LAMC1: variants seen among roughly 807,000 people sequenced by gnomAD.
LAMC1 encodes the protein laminin subunit gamma-1.
Under a neutral mutation model 173.6 loss-of-function variants are expected in LAMC1, and 38 were observed. The observed-to-expected ratio is 0.22, with a 90% CI of 0.17 to 0.29. The LOEUF (loss-of-function observed/expected upper bound fraction) is 0.29, where lower values mean the gene tolerates loss of function less well. LAMC1 is among the 10% of genes least tolerant of loss of function. The pLI, the probability that LAMC1 is intolerant of heterozygous loss-of-function variation, is 1.00. For missense variants in LAMC1, 1,824 were observed against 2,051.8 expected (o/e 0.89, Z 2.14); for synonymous variants, 746 against 749.1 (o/e 1.00, Z 0.07).
chr1:183,079,638 T>G (rs1471322984), intron 1 of LAMC1, among the ~76,000 whole-genome samples: 1 of 152,184 alleles, frequency 6.6e-6, no homozygotes, highest in Non-Finnish European at 1.5e-5. Context: ...TGTGCAGATA[T>G]CTATTCCCAT....
Position 183,121,912 on chromosome 1 carries a change from A to G in LAMC1, c.2180A>G (p.Asn727Ser), listed in dbSNP as rs777914389. ...AGTCCATGTGTGCTTTGCGCCTGCAATGGACACAGCGAGACCTGTGATCCT... is the reference window on the plus strand; with the variant it reads ...AGTCCATGTGTGCTTTGCGCCTGCAGTGGACACAGCGAGACCTGTGATCCT... ...PYSPCVLCAC[N>S]GHSETCDPET... The change falls in exon 12 of 28, where the codon AAT (asparagine) becomes AGT (serine). Residue 727 changes from asparagine to serine, a missense_variant. Transcript: ENST00000258341. 3.9e-5 allele frequency: 63 copies of G among 1,614,106 alleles called. No individual in the cohort carries two copies. In the Middle Eastern group the frequency reaches 4.9e-4, roughly 13 times the overall value.
rs746315868 is a variant in LAMC1 at position 183,121,811 on chromosome 1, T to C, written c.2079T>C (p.Pro693=). 1 of 1,614,188 alleles carries C rather than the reference T, an allele frequency of 6.2e-7. No homozygotes were observed. Among genetic ancestry groups the C allele is most frequent in the Non-Finnish European group, 8.5e-7 (1 of 1,180,022 alleles). The change falls in exon 12 of 28, where the codon CCT becomes CCC. Residue 693 remains proline (P), a synonymous_variant. Coordinates refer to ENST00000258341, the MANE Select transcript of LAMC1 (RefSeq NM_002293.4). ...CTTGGGTGGAGTCCTGCACCTGTCC[T>C]GTGGGATATGGAGGGCAGTTTTGTG... The part of the protein sequence containing the change: ...PATWVESCTC[P]VGYGGQFCEM...
rs1654339393 is a variant in LAMC1, at chr1:183,048,952, G to A, written c.418+24818G>A. Among the ~76,000 whole-genome samples the A allele has an allele frequency of 5.9e-5, 9 of 152,176 alleles. 1 individual carries two copies. In the South Asian group the frequency reaches 1.9e-3, roughly 32 times the overall value. Reference sequence around the variant, plus strand: ...AGTTGTTACCTAGTATTAACATTGTGGTATATATATTGTCTCACCAACTGG... The same window carrying A: ...AGTTGTTACCTAGTATTAACATTGTAGTATATATATTGTCTCACCAACTGG... On this transcript the variant is annotated intron_variant, in intron 1 of 27. Coordinates refer to ENST00000258341, the MANE Select transcript of LAMC1 (RefSeq NM_002293.4).
chr1:183,057,597 C>T (rs545954301), intron 1 of LAMC1, among the ~76,000 whole-genome samples: 11 of 152,246 alleles, frequency 7.2e-5, no homozygotes, highest in African/African-American at 2.6e-4. Flanking sequence ...CCCGTCTCCA[C>T]TAAAAATACA....
intron 1 of LAMC1, among the ~76,000 whole-genome samples, chr1:183,075,782 GT>G (rs1655109369): frequency 6.6e-6 from 1 of 152,164 alleles, no homozygotes; most frequent in Non-Finnish European, 1.5e-5. Flanking sequence ...TGTTGTGTTA[GT>G]TTGTATAGTA....
At chr1:183,113,527 T>C (rs535069312) in intron 4 of LAMC1, among the ~76,000 whole-genome samples, 133 of 152,324 alleles carry the variant, frequency 8.7e-4, no homozygotes, top group Non-Finnish European at 6.2e-4. Flanking sequence ...ATTATAAATA[T>C]AGTAAGGAAT....
chr1:183,122,722 G>A (rs964301128), intron 13 of LAMC1, among the ~76,000 whole-genome samples: 1 of 152,142 alleles, frequency 6.6e-6, no homozygotes, highest in African/African-American at 2.4e-5. Context: ...CATTCAGACA[G>A]CAGAAAGCAC....
chr1:183,035,836 A>G (rs145248500), intron 1 of LAMC1, among the ~76,000 whole-genome samples: 77 of 152,326 alleles, frequency 5.1e-4, no homozygotes, highest in African/African-American at 1.8e-3. Flanking sequence ...GACTAAATGC[A>G]GCTGGAGGTA....
At position 183,057,876 on chromosome 1, in the gene LAMC1, T is replaced by G. The variant is rs190392268; in HGVS notation, c.418+33742T>G. On this transcript the variant is annotated intron_variant, in intron 1 of 27. Transcript: ENST00000258341. Reference sequence around the variant, plus strand: ...ATTGAGATGTTCTTTTTTTCCTTCTTACATAAATATTATGTGCTCTAACTA... The same window carrying G: ...ATTGAGATGTTCTTTTTTTCCTTCTGACATAAATATTATGTGCTCTAACTA... 2.0e-5 allele frequency among the ~76,000 whole-genome samples: 3 copies of G among 152,352 alleles called. No homozygotes were observed. The East Asian group carries it at 5.8e-4, about 29-fold the overall frequency.
intron 1 of LAMC1, among the ~76,000 whole-genome samples, chr1:183,037,284 C>T (rs1338769724): frequency 6.6e-6 from 1 of 152,154 alleles, no homozygotes; most frequent in Non-Finnish European, 1.5e-5. Flanking sequence ...CAGGGAATGC[C>T]ACCATCTTAT....
At chr1:183,071,825 T>C (rs1285927558) in intron 1 of LAMC1, among the ~76,000 whole-genome samples, 1 of 152,166 alleles carries the variant, frequency 6.6e-6, no homozygotes. Flanking sequence ...AGAAGGTGCA[T>C]GTGATGGGTA....
chr1:183,111,707 TAA>T (rs1656158689), intron 4 of LAMC1, among the ~76,000 whole-genome samples: 1 of 152,180 alleles, frequency 6.6e-6, no homozygotes, highest in Non-Finnish European at 1.5e-5. Context: ...CTGTTAAGAA[TAA>T]AGAGAAAAAG....
intron 1 of LAMC1, among the ~76,000 whole-genome samples, chr1:183,060,582 A>C (rs1371762906): frequency 6.6e-6 from 1 of 152,112 alleles, no homozygotes; most frequent in East Asian, 1.9e-4. Flanking sequence ...ACACAATATT[A>C]CAGTGCTTAC....
intron 1 of LAMC1, among the ~76,000 whole-genome samples, chr1:183,094,519 C>G (rs1161768537): frequency 6.6e-6 from 1 of 152,142 alleles, no homozygotes; most frequent in Non-Finnish European, 1.5e-5. Context: ...TCCCCAGTGC[C>G]TAGAACAGGG....
chr1:183,117,839 G>T, intron 10 of LAMC1, 116 bp downstream of exon 10: 2 of 977,016 alleles, frequency 2.0e-6, no homozygotes, highest in South Asian at 3.4e-5. Context: ...GGTTATTGTG[G>T]TGATTTTGTA....
At chr1:183,078,408 C>T (rs1478437644) in intron 1 of LAMC1, among the ~76,000 whole-genome samples, 2 of 151,750 alleles carry the variant, frequency 1.3e-5, no homozygotes, top group African/African-American at 2.4e-5. Context: ...GGTGAAACCT[C>T]GTCTCTACTA....
At chr1:183,031,367 C>T (rs1375569308) in intron 1 of LAMC1, among the ~76,000 whole-genome samples, 4 of 152,094 alleles carry the variant, frequency 2.6e-5, no homozygotes, top group Non-Finnish European at 4.4e-5. Flanking sequence ...TGCAGTGGCA[C>T]GATCTTGGCT....
intron 1 of LAMC1, among the ~76,000 whole-genome samples, chr1:183,037,166 T>C (rs1178686357): frequency 6.6e-6 from 1 of 152,248 alleles, no homozygotes; most frequent in Admixed American, 6.5e-5. Context: ...TAGGAATTTC[T>C]AAGGAATTTA....
intron 1 of LAMC1, among the ~76,000 whole-genome samples, chr1:183,069,747 CTG>C (rs1654961910): frequency 6.6e-6 from 1 of 152,218 alleles, no homozygotes; most frequent in South Asian, 2.1e-4. Context: ...TCGGCTGAGT[CTG>C]AGGGGAGAGC....
Sources: gnomAD v4.1 joint callset for allele counts (sites outside exome capture counted in the v4.1 genomes callset) on GRCh38, gnomAD v4.1.1 for gene constraint, MANE v1.5 for transcripts, NCBI Gene and HGNC (gene_info 2026-07-23, HGNC 2026-07-21) for gene names.